KCNT2: variants seen among roughly 807,000 people sequenced by gnomAD.
KCNT2 encodes the protein potassium channel subfamily T member 2.
Under a neutral mutation model 153.8 loss-of-function variants are expected in KCNT2, and 67 were observed. The observed-to-expected ratio is 0.44, with a 90% confidence interval of 0.36 to 0.53. KCNT2 has a LOEUF of 0.53. KCNT2 is among the 20% of genes least tolerant of loss of function. KCNT2 has a pLI of 0.00. For missense variants in KCNT2, 975 were observed against 1,354.8 expected (o/e 0.72, Z 4.40); for synonymous variants, 500 against 458.8 (o/e 1.09, Z -1.15).
chr1:196,275,699 A>C (rs2147848255), intron 25 of KCNT2, among the ~76,000 whole-genome samples: 1 of 152,102 alleles, frequency 6.6e-6, no homozygotes, highest in South Asian at 2.1e-4. Flanking sequence ...TGCCTTTAAA[A>C]GTATTTTTTT....
chr1:196,586,881 T>C (rs754101747), intron 1 of KCNT2, among the ~76,000 whole-genome samples: 41 of 152,222 alleles, frequency 2.7e-4, no homozygotes, highest in Admixed American at 3.9e-4. Context: ...TAAGTGCTAA[T>C]AGGAGAACAG....
intron 13 of KCNT2, among the ~76,000 whole-genome samples, chr1:196,385,628 G>A (rs1234108625): frequency 6.6e-6 from 1 of 151,904 alleles, no homozygotes; most frequent in African/African-American, 2.4e-5. Flanking sequence ...GTACAACTCT[G>A]TGTAATAAAT....
At chr1:196,260,311 G>T (rs143770733) in intron 25 of KCNT2, among the ~76,000 whole-genome samples, 76 of 151,902 alleles carry the variant, frequency 5.0e-4, no homozygotes, top group Admixed American at 2.0e-3. Flanking sequence ...TTAAATGGGA[G>T]CATAGGGATT....
intron 13 of KCNT2, among the ~76,000 whole-genome samples, chr1:196,381,801 G>A (rs985392800): frequency 2.6e-5 from 4 of 152,092 alleles, no homozygotes; most frequent in Non-Finnish European, 4.4e-5. Context: ...AACACCTGTC[G>A]TGTAATAGTG....
At chr1:196,408,028 C>G (rs577773580) in intron 12 of KCNT2, among the ~76,000 whole-genome samples, 1 of 151,464 alleles carries the variant, frequency 6.6e-6, no homozygotes, top group East Asian at 2.0e-4. Context: ...AATTCTTTCT[C>G]TGCTCCTTTG....
At chr1:196,235,751 T>G (rs1028735744) in intron 27 of KCNT2, among the ~76,000 whole-genome samples, 3 of 151,436 alleles carry the variant, frequency 2.0e-5, no homozygotes, top group African/African-American at 7.3e-5. Flanking sequence ...ATTTTTTAGC[T>G]CACATAATAC....
At chr1:196,367,722 T>C (rs1320762805) in intron 14 of KCNT2, among the ~76,000 whole-genome samples, 1 of 152,188 alleles carries the variant, frequency 6.6e-6, no homozygotes, top group African/African-American at 2.4e-5. Context: ...TATAAACCAC[T>C]CTTCCCTTGC....
chr1:196,273,394 T>C (rs942708968), intron 25 of KCNT2: 1 of 943,024 alleles, frequency 1.1e-6, no homozygotes, highest in Non-Finnish European at 1.6e-6. Context: ...ATATTTAATA[T>C]TATTTTTCTT....
Position 196,228,352 on chromosome 1 carries a change from AAAT to A in KCNT2, c.3297-20_3297-18del. On this transcript the variant is annotated intron_variant, in intron 27 of 27. Coordinates refer to ENST00000294725, the MANE Select transcript of KCNT2 (RefSeq NM_198503.5). ...ATTAAGTATCTAATAAAAGAAAACA[AAAT>A]AAATAACTTTGCAATAGTAAATACA... 7.3e-7 allele frequency: 1 copy of A among 1,368,538 alleles called. No individual in the cohort carries two copies. Among genetic ancestry groups the A allele is most frequent in the Non-Finnish European group, 1.0e-6 (1 of 966,046 alleles). 84.8% of individuals were successfully genotyped at this position (1,368,538 alleles called of 1,614,324 possible). A position where few individuals can be genotyped will look rare whatever the true frequency, so the allele number is the denominator to read the frequency against.
At chr1:196,438,870 G>GA (rs1284157039) in intron 8 of KCNT2, among the ~76,000 whole-genome samples, 1 of 150,372 alleles carries the variant, frequency 6.7e-6, no homozygotes, top group Non-Finnish European at 1.5e-5. Context: ...GTAATATTTT[G>GA]AAAAAAAATC....
chr1:196,564,657 A>G (rs1019613794), intron 1 of KCNT2, among the ~76,000 whole-genome samples: 1 of 152,014 alleles, frequency 6.6e-6, no homozygotes, highest in Non-Finnish European at 1.5e-5. Context: ...AGATACAAAG[A>G]TCAATGGAAC....
chr1:196,480,199 A>T (rs183111498), intron 4 of KCNT2, among the ~76,000 whole-genome samples: 2 of 152,328 alleles, frequency 1.3e-5, no homozygotes, highest in African/African-American at 4.8e-5. Flanking sequence ...AGCAAATATA[A>T]ACAAAAAGTG....
In KCNT2 at chr1:196,492,280, T is replaced by G; in HGVS notation, c.157A>C (p.Ile53Leu). Residue 53 changes from isoleucine to leucine, a missense_variant, in exon 2 of 28, where the codon ATA (isoleucine) becomes CTA (leucine). Around this residue, in one of 6 missense-constraint regions of KCNT2, gnomAD observed 140 missense variants for 216.0 expected, o/e 0.65. Transcript: ENST00000294725. ...AACTTACTTGATCTCTGGTTTTTTA[T>G]GAAAAATAATTTTAGTCTTTCTTTA... is the stretch of plus-strand genomic sequence containing the variant. ...TFKERLKLFF[I>L]KNQRSSLRIR... The G allele has an allele frequency of 1.4e-6, 2 of 1,430,594 alleles. No homozygotes were observed. The highest frequency in any genetic ancestry group is 1.9e-6 in the Non-Finnish European group (2 of 1,069,450). 88.6% of individuals were successfully genotyped at this position (1,430,594 alleles called of 1,614,324 possible). A position where few individuals can be genotyped will look rare whatever the true frequency, so the allele number is the denominator to read the frequency against.
intron 1 of KCNT2, among the ~76,000 whole-genome samples, chr1:196,544,737 TTTG>T (rs1164193683): frequency 2.0e-5 from 3 of 152,086 alleles, no homozygotes; most frequent in Non-Finnish European, 2.9e-5. Context: ...TTCATCCTAA[TTTG>T]TTTTCAGACA....
chr1:196,411,112 TCCTTCCTTCCTC>T (rs949455658), intron 12 of KCNT2, among the ~76,000 whole-genome samples: 1 of 126,458 alleles, frequency 7.9e-6, no homozygotes, highest in African/African-American at 3.0e-5. Context: ...CTTCCTTCCT[TCCTTCCTTCCTC>T]CCTTCTTTCC....
intron 10 of KCNT2, among the ~76,000 whole-genome samples, chr1:196,427,439 T>TA (rs1461009664): frequency 6.6e-6 from 1 of 152,016 alleles, no homozygotes; most frequent in Non-Finnish European, 1.5e-5. Context: ...GTTGAGTAAA[T>TA]ACAAGACCTT....
At chr1:196,268,105 A>G (rs371970271) in intron 25 of KCNT2, among the ~76,000 whole-genome samples, 1 of 152,072 alleles carries the variant, frequency 6.6e-6, no homozygotes, top group African/African-American at 2.4e-5. Context: ...AGCACTAGAC[A>G]CCCTGGATAA....
intron 5 of KCNT2, among the ~76,000 whole-genome samples, chr1:196,472,260 C>T (rs998599652): frequency 6.6e-6 from 1 of 152,148 alleles, no homozygotes; most frequent in African/African-American, 2.4e-5. Context: ...ATTTTTGGAG[C>T]TTAAATATTT....
chr1:196,305,624 A>G (rs181549410), intron 21 of KCNT2, among the ~76,000 whole-genome samples: 5 of 152,290 alleles, frequency 3.3e-5, no homozygotes, highest in Admixed American at 2.6e-4. Flanking sequence ...AACAACATAG[A>G]AGAAACTCAT....
Sources: gnomAD v4.1 joint callset for allele counts (sites outside exome capture counted in the v4.1 genomes callset) on GRCh38, gnomAD v4.1.1 for gene constraint, gnomAD v4.1.1 regional missense constraint, MANE v1.5 for transcripts, NCBI Gene and HGNC (gene_info 2026-07-23, HGNC 2026-07-21) for gene names.